Variants in JAZF1 observed in about 807,000 individuals in gnomAD.
JAZF1 encodes juxtaposed with another zinc finger protein 1.
Under a neutral mutation model 26.4 loss-of-function variants are expected in JAZF1, and 8 were observed. The ratio of observed to expected loss-of-function variants is 0.30; its 90% CI spans 0.18 to 0.55. JAZF1 has a LOEUF of 0.55. Among genes scored for constraint, JAZF1 ranks in the 20% least tolerant of loss-of-function variants. The probability of loss-of-function intolerance (pLI) is 0.94; values close to 1 mark genes in which losing one functional copy is unlikely to be tolerated. For missense variants in JAZF1, 199 were observed against 322.0 expected, an observed-to-expected ratio of 0.62 and a Z score of 2.92; for synonymous variants, 126 against 122.3, an observed-to-expected ratio of 1.03 and a Z score of -0.20.
chr7:28,168,607 C>T (rs1270328660), intron 1 of JAZF1, among the ~76,000 whole-genome samples: 1 of 152,174 alleles, frequency 6.6e-6, no homozygotes, highest in Non-Finnish European at 1.5e-5. Flanking sequence ...CCCTCATATG[C>T]TGTGTCCTGA....
At chr7:28,104,811 A>G (rs1424877505) in intron 1 of JAZF1, among the ~76,000 whole-genome samples, 1 of 152,218 alleles carries the variant, frequency 6.6e-6, no homozygotes, top group African/African-American at 2.4e-5. Context: ...GAATAAGGGG[A>G]GATTAAAAGA....
chr7:27,986,010 T>C (rs894530098), intron 2 of JAZF1, among the ~76,000 whole-genome samples: 1 of 152,216 alleles, frequency 6.6e-6, no homozygotes, highest in Non-Finnish European at 1.5e-5. Context: ...AATATCATAC[T>C]GAATGGGCAA....
At chr7:28,100,422 T>C (rs1016880631) in intron 1 of JAZF1, among the ~76,000 whole-genome samples, 7 of 151,508 alleles carry the variant, frequency 4.6e-5, no homozygotes, top group African/African-American at 1.7e-4. Context: ...CATATATATA[T>C]ACATATATAT....
intron 1 of JAZF1, among the ~76,000 whole-genome samples, chr7:28,126,801 G>A (rs1411810276): frequency 1.3e-5 from 2 of 152,230 alleles, no homozygotes; most frequent in African/African-American, 4.8e-5. Context: ...GGGAGGGGAG[G>A]AGTGAAAACA....
At chr7:27,979,611 G>C (rs1282718493) in intron 2 of JAZF1, among the ~76,000 whole-genome samples, 3 of 151,862 alleles carry the variant, frequency 2.0e-5, no homozygotes, top group Non-Finnish European at 4.4e-5. Context: ...TTATTACTAA[G>C]CTATCTGAAC....
intron 3 of JAZF1, among the ~76,000 whole-genome samples, chr7:27,874,520 G>A (rs569610606): frequency 2.5e-4 from 38 of 152,130 alleles, no homozygotes; most frequent in South Asian, 4.2e-4. Context: ...CCAATCTGTC[G>A]ATTTATGAGA....
intron 1 of JAZF1, among the ~76,000 whole-genome samples, chr7:28,083,435 G>A (rs1784167899): frequency 6.6e-6 from 1 of 152,142 alleles, no homozygotes; most frequent in Non-Finnish European, 1.5e-5. Context: ...ATGGGTTGCA[G>A]AATAACACAG....
At chr7:28,018,526 CATT>C (rs1267119892) in intron 1 of JAZF1, among the ~76,000 whole-genome samples, 1 of 152,188 alleles carries the variant, frequency 6.6e-6, no homozygotes, top group African/African-American at 2.4e-5. Flanking sequence ...GTCCTAGCAT[CATT>C]ATTAACAGCA....
chr7:28,080,014 ATG>A (rs1562580331), intron 1 of JAZF1, among the ~76,000 whole-genome samples: 2 of 152,210 alleles, frequency 1.3e-5, no homozygotes, highest in Non-Finnish European at 2.9e-5. Context: ...GTGCAATAAC[ATG>A]TCTTTAAAAA....
chr7:28,174,820 G>GT (rs1491090801), intron 1 of JAZF1, among the ~76,000 whole-genome samples: 1,535 of 66,290 alleles, frequency 0.023, 322 homozygotes, highest in Non-Finnish European at 0.029. Flanking sequence ...TGGGGTGTGT[G>GT]GGTGTGTGTG....
At chr7:27,952,971 T>C (rs1175323791) in intron 2 of JAZF1, among the ~76,000 whole-genome samples, 2 of 152,226 alleles carry the variant, frequency 1.3e-5, no homozygotes, top group Non-Finnish European at 2.9e-5. Context: ...AGCAAAATCA[T>C]CTTTAGCAGA....
rs534076066 is a variant in JAZF1 at position 28,145,265 on chromosome 7, G to T, written c.115+35198C>A. On this transcript the variant is annotated intron_variant, in intron 1 of 4. Coordinates refer to ENST00000283928, the MANE Select transcript of JAZF1 (RefSeq NM_175061.4). The stretch of plus-strand genomic sequence containing the variant: ...GTCCAGGGCAGTAAAAAGTCTGTGA[G>T]TCAAGGTTCACATGTATACTCTTTG... 8.5e-4 allele frequency among the ~76,000 whole-genome samples: 129 copies of T among 152,348 alleles called. 3 individuals are homozygous for T. The South Asian group carries it at 0.018, about 21-fold the overall frequency.
chr7:27,971,538 T>C (rs1211192533), intron 2 of JAZF1, among the ~76,000 whole-genome samples: 1 of 152,182 alleles, frequency 6.6e-6, no homozygotes, highest in Non-Finnish European at 1.5e-5. Flanking sequence ...GAAAATTAAG[T>C]AATGTTTCAA....
intron 2 of JAZF1, chr7:27,913,311 C>G: frequency 2.4e-6 from 1 of 409,082 alleles, no homozygotes; most frequent in South Asian, 1.8e-5. Context: ...GTGTGTGTAG[C>G]CAGATTGAGA....
At chr7:28,079,906 T>C (rs564407957) in intron 1 of JAZF1, among the ~76,000 whole-genome samples, 14 of 152,312 alleles carry the variant, frequency 9.2e-5, no homozygotes, top group Admixed American at 3.3e-4. Context: ...TTCCAGACCA[T>C]TGCAATAGCA....
At chr7:27,864,891 G>A (rs114769655) in intron 3 of JAZF1, among the ~76,000 whole-genome samples, 339 of 152,186 alleles carry the variant, frequency 2.2e-3, no homozygotes, top group African/African-American at 7.7e-3. Flanking sequence ...ACAGACTTGG[G>A]GAAATTTACT....
chr7:28,175,852 C>T (rs570037471), intron 1 of JAZF1, among the ~76,000 whole-genome samples: 1 of 152,292 alleles, frequency 6.6e-6, no homozygotes, highest in East Asian at 1.9e-4. Context: ...GTTTGCTCAC[C>T]TAAAAGTGGG....
intron 1 of JAZF1, among the ~76,000 whole-genome samples, chr7:28,167,587 T>C (rs1783389456): frequency 6.6e-6 from 1 of 152,200 alleles, no homozygotes; most frequent in African/African-American, 2.4e-5. Context: ...TTGGCCTAGA[T>C]CATCTGTAAG....
At chr7:27,956,136 C>G (rs1785087500) in intron 2 of JAZF1, among the ~76,000 whole-genome samples, 1 of 152,170 alleles carries the variant, frequency 6.6e-6, no homozygotes, top group South Asian at 2.1e-4. Flanking sequence ...TAGGGTGTAG[C>G]AGATCTTAAA....
Sources: gnomAD v4.1 joint callset for allele counts (sites outside exome capture counted in the v4.1 genomes callset) on GRCh38, gnomAD v4.1.1 for gene constraint, MANE v1.5 for transcripts, NCBI Gene and HGNC (gene_info 2026-07-23, HGNC 2026-07-21) for gene names.